Variants in EGLN1 observed in about 807,000 individuals in gnomAD.
EGLN1 encodes the protein egl-9 family hypoxia inducible factor 1, also known as egl nine homolog 1.
EGLN1 carries 17 observed loss-of-function variants against 38.3 expected under a neutral mutation model. The observed-to-expected ratio is 0.44, with a 90% CI of 0.30 to 0.67. The LOEUF (loss-of-function observed/expected upper bound fraction) is 0.67, where lower values mean the gene tolerates loss of function less well. Ranked by LOEUF, EGLN1 falls within the 30% of genes least tolerant of loss-of-function variation. The pLI is 0.08. For synonymous variants in EGLN1, 283 were observed against 257.5 expected (o/e 1.10, Z -0.95); for missense variants, 477 against 603.3 (o/e 0.79, Z 2.19).
chr1:231,383,992 A>G (rs943721920), intron 1 of EGLN1, among the ~76,000 whole-genome samples: 2 of 152,214 alleles, frequency 1.3e-5, no homozygotes, highest in African/African-American at 4.8e-5. Flanking sequence ...TTTTACAAAC[A>G]TCACTCAATC....
intron 1 of EGLN1, among the ~76,000 whole-genome samples, chr1:231,380,994 A>C (rs1170051691): frequency 6.6e-6 from 1 of 152,156 alleles, no homozygotes; most frequent in Non-Finnish European, 1.5e-5. Context: ...ATCATGGTTC[A>C]CTGCAACTTT....
rs568287669 is a variant in EGLN1, at chr1:231,419,513, C to T, written c.891+1485G>A. On this transcript the variant is annotated intron_variant, in intron 1 of 4. Transcript: ENST00000366641. ...TTGTCTCAAACTAATTTCTTTCCTG[C>T]TCTGGAGCTCAGGACTTTATGTTCA... Among the ~76,000 whole-genome samples the T allele has an allele frequency of 2.6e-5, 4 of 152,340 alleles. No homozygotes were observed. In the East Asian group the frequency reaches 7.7e-4, roughly 29 times the overall value.
At chr1:231,385,833 A>G (rs1688191538) in intron 1 of EGLN1, among the ~76,000 whole-genome samples, 2 of 152,172 alleles carry the variant, frequency 1.3e-5, no homozygotes, top group Non-Finnish European at 2.9e-5. Context: ...TAACTGCAAT[A>G]AAAAGGAGCT....
At position 231,364,684 on chromosome 1, in the gene EGLN1, CAAATT is replaced by C. The variant is rs1558374999; in HGVS notation, c.*1722_*1726del. 1 of 152,130 alleles carries C rather than the reference CAAATT, an allele frequency of 6.6e-6. No homozygotes were observed. The highest frequency in any genetic ancestry group is 1.5e-5 in the Non-Finnish European group (1 of 68,020). The allele number at this position is 152,130 out of a possible 1,614,324, so 9.4% of individuals were successfully genotyped here. A position where few individuals can be genotyped will look rare whatever the true frequency, so the allele number is the denominator to read the frequency against. On this transcript the variant is annotated 3_prime_UTR_variant, in exon 5 of 5. Transcript: ENST00000366641. ...ACTGAGCTTCCCATAGAAAAGGTCT[CAAATT>C]GAATACAAACTATACAGATGCTAAA... is the stretch of plus-strand genomic sequence containing the variant.
intron 1 of EGLN1, among the ~76,000 whole-genome samples, chr1:231,415,708 A>G (rs1356071854): frequency 6.6e-6 from 1 of 152,216 alleles, no homozygotes; most frequent in Non-Finnish European, 1.5e-5. Context: ...GAGAAGCTAA[A>G]AACACAGGTA....
chr1:231,392,394 G>A (rs189835502), intron 1 of EGLN1, among the ~76,000 whole-genome samples: 181 of 152,266 alleles, frequency 1.2e-3, no homozygotes, highest in Non-Finnish European at 2.2e-3. Context: ...TAAAGTAAAT[G>A]CTATTTAAGT....
At chr1:231,419,856 T>C (rs1656509231) in intron 1 of EGLN1, among the ~76,000 whole-genome samples, 2 of 152,182 alleles carry the variant, frequency 1.3e-5, no homozygotes, top group African/African-American at 2.4e-5. Flanking sequence ...AAGTAGATGA[T>C]CTGACACACA....
intron 1 of EGLN1, among the ~76,000 whole-genome samples, chr1:231,419,505 C>A (rs933444413): frequency 3.9e-5 from 6 of 152,232 alleles, no homozygotes; most frequent in African/African-American, 9.6e-5. Flanking sequence ...AAACTAATTT[C>A]TTTCCTGCTC....
chr1:231,382,589 A>G (rs1688101494), intron 1 of EGLN1, among the ~76,000 whole-genome samples: 1 of 152,234 alleles, frequency 6.6e-6, no homozygotes, highest in South Asian at 2.1e-4. Context: ...ACATGAACAT[A>G]TACATGAATC....
intron 1 of EGLN1, among the ~76,000 whole-genome samples, chr1:231,415,730 C>T (rs933285682): frequency 3.3e-5 from 5 of 152,172 alleles, no homozygotes; most frequent in African/African-American, 4.8e-5. Flanking sequence ...CACTGAACAC[C>T]ATTTTATAAA....
intron 1 of EGLN1, among the ~76,000 whole-genome samples, chr1:231,391,089 T>C (rs1558387109): frequency 0.1 from 4,497 of 44,674 alleles, 485 homozygotes; most frequent in Non-Finnish European, 0.15. Context: ...TTCTGTTTTT[T>C]TTTTGTGTGT....
intron 1 of EGLN1, among the ~76,000 whole-genome samples, chr1:231,379,142 T>C (rs1366881483): frequency 6.6e-6 from 1 of 152,180 alleles, no homozygotes; most frequent in Non-Finnish European, 1.5e-5. Context: ...GAAAAACAAC[T>C]TCCTTCTGTA....
In EGLN1 at chr1:231,382,566, G is replaced by C. The variant is rs576837778; in HGVS notation, c.892-8467C>G. On this transcript the variant is annotated intron_variant, in intron 1 of 4. Transcript: ENST00000366641. Reference sequence around the variant, plus strand: ...GTGTTATGGCTACACACTGTATAGGGACCACTGCTCTTACATGAACATATA... The same window carrying C: ...GTGTTATGGCTACACACTGTATAGGCACCACTGCTCTTACATGAACATATA... Among the ~76,000 whole-genome samples, 3 of 152,314 alleles carry C rather than the reference G, an allele frequency of 2.0e-5. No individual in the cohort carries two copies. In the East Asian group the frequency reaches 5.8e-4, roughly 29 times the overall value.
chr1:231,388,147 T>C (rs986457521), intron 1 of EGLN1, among the ~76,000 whole-genome samples: 2 of 152,178 alleles, frequency 1.3e-5, no homozygotes, highest in Non-Finnish European at 2.9e-5. Flanking sequence ...AAGTGATTGA[T>C]GGGCCATAAA....
intron 1 of EGLN1, among the ~76,000 whole-genome samples, chr1:231,391,343 G>A (rs957056887): frequency 3.9e-5 from 6 of 152,000 alleles, no homozygotes; most frequent in Admixed American, 3.9e-4. Context: ...TGATCTAGCA[G>A]AGATTTAAAA....
intron 1 of EGLN1, among the ~76,000 whole-genome samples, chr1:231,408,033 C>T (rs1045031018): frequency 6.6e-6 from 1 of 152,084 alleles, no homozygotes; most frequent in African/African-American, 2.4e-5. Flanking sequence ...TAATACTGTA[C>T]GTAACAAGCA....
At chr1:231,391,088 TTTTTTGTGTGTGTGTG>T (rs1403594984) in intron 1 of EGLN1, among the ~76,000 whole-genome samples, 1 of 34,736 alleles carries the variant, frequency 2.9e-5, no homozygotes, top group South Asian at 1.3e-3. Flanking sequence ...ATTCTGTTTT[TTTTTTGTGTGTGTGTG>T]TGTGTGTGTG....
At chr1:231,402,364 T>C (rs1688684407) in intron 1 of EGLN1, among the ~76,000 whole-genome samples, 1 of 152,104 alleles carries the variant, frequency 6.6e-6, no homozygotes, top group Non-Finnish European at 1.5e-5. Flanking sequence ...TCCTAAAAAA[T>C]ATTTGCTTAT....
In EGLN1 at chr1:231,421,652, C is replaced by T. The variant is rs1656619307; in HGVS notation, c.237G>A (p.Pro79=). 3 of 1,456,766 alleles carry T rather than the reference C, an allele frequency of 2.1e-6. No homozygotes were observed. Among genetic ancestry groups the T allele is most frequent in the Admixed American group, 4.9e-5 (2 of 41,122 alleles). 90.2% of individuals were successfully genotyped at this position (1,456,766 alleles called of 1,614,324 possible). The change falls in exon 1 of 5, where the codon CCG becomes CCA. Residue 79 remains proline (P), a synonymous_variant. Coordinates refer to ENST00000366641, the MANE Select transcript of EGLN1 (RefSeq NM_022051.3). This position sits in a 1 kb window ranked among gnomAD's most constrained non-coding sequence, Gnocchi z 5.5. The part of the protein sequence containing the change: ...VGPHQHSGPA[P]PAAVPPPRAG... ...CCCTGGGCGGCGGCACTGCAGCCGG[C>T]GGCGCGGGGCCGGAATGCTGGTGTG...
Sources: allele counts gnomAD v4.1 joint callset (sites outside exome capture counted in the v4.1 genomes callset), GRCh38; gene constraint gnomAD v4.1.1; non-coding constraint Gnocchi (gnomAD v3.1); transcripts MANE v1.5; gene names NCBI Gene and HGNC (gene_info 2026-07-23, HGNC 2026-07-21).